The following FREM2 variants were observed in gnomAD, a reference collection of about 807,000 sequenced individuals.
FREM2 encodes the protein FRAS1-related extracellular matrix protein 2.
A neutral mutation model predicts 219.9 loss-of-function variants in FREM2; 119 were observed. The observed-to-expected ratio is 0.54, with a 90% CI of 0.47 to 0.63. The LOEUF is 0.63. Ranked by LOEUF, FREM2 falls within the 30% of genes least tolerant of loss-of-function variation. The pLI is 0.00. For missense variants in FREM2, 4,030 were observed against 3,993.6 expected, an observed-to-expected ratio of 1.01 and a Z score of -0.25; for synonymous variants, 1,562 against 1,522.8, an observed-to-expected ratio of 1.03 and a Z score of -0.60.
At chr13:38,798,991 T>C (rs1441608973) in intron 6 of FREM2, among the ~76,000 whole-genome samples, 4 of 152,048 alleles carry the variant, frequency 2.6e-5, no homozygotes, top group Non-Finnish European at 5.9e-5. Flanking sequence ...TCTGTTCTGA[T>C]CTTTATTATT....
At chr13:38,744,314 G>C (rs978374619) in intron 2 of FREM2, among the ~76,000 whole-genome samples, 1 of 145,340 alleles carries the variant, frequency 6.9e-6, no homozygotes, top group Middle Eastern at 3.7e-3. Context: ...GAGCTCAAGT[G>C]ATCCTCCTGC....
At chr13:38,878,721 T>C in intron 22 of FREM2, 110 bp from the exon 23 acceptor site, 3 of 1,123,656 alleles carry the variant, frequency 2.7e-6, no homozygotes, top group Non-Finnish European at 4.0e-6. Flanking sequence ...AACCAAATGG[T>C]GACATTTTAT....
At position 38,690,795 on chromosome 13, in the gene FREM2, A is replaced by G; in HGVS notation, c.3451A>G (p.Ser1151Gly). The change falls in exon 1 of 24, where the codon AGT becomes GGT. Residue 1151 changes from serine (S) to glycine (G), a missense_variant. Ser to Gly is a moderately conservative substitution (Grantham distance 56). Transcript: ENST00000280481. ...LRQGHINYVQ[S>G]VHKGVEPVED... ...GCAGGGCCACATAAACTATGTCCAG[A>G]GTGTCCATAAAGGGGTGGAACCTGT... The G allele has an allele frequency of 6.2e-7, 1 of 1,614,148 alleles. No individual in the cohort carries two copies. Among genetic ancestry groups the G allele is most frequent in the Non-Finnish European group, 8.5e-7 (1 of 1,180,020 alleles).
chr13:38,849,120 G>C (rs1877275231), intron 8 of FREM2, among the ~76,000 whole-genome samples: 1 of 152,086 alleles, frequency 6.6e-6, no homozygotes, highest in Non-Finnish European at 1.5e-5. Context: ...TCAGGTATTG[G>C]GGGTTGGGAT....
At chr13:38,764,052 A>C (rs907915207) in intron 2 of FREM2, among the ~76,000 whole-genome samples, 2 of 152,164 alleles carry the variant, frequency 1.3e-5, no homozygotes, top group Admixed American at 6.5e-5. Context: ...GTAGTTGTGC[A>C]CTTCCTACCC....
At chr13:38,873,884 T>C (rs913858127) in intron 17 of FREM2, among the ~76,000 whole-genome samples, 15 of 152,228 alleles carry the variant, frequency 9.9e-5, no homozygotes, top group African/African-American at 3.6e-4. Context: ...ACAGGTAATA[T>C]GATAACCCTG....
intron 6 of FREM2, among the ~76,000 whole-genome samples, chr13:38,821,160 G>T (rs1876032590): frequency 6.6e-6 from 1 of 152,082 alleles, no homozygotes; most frequent in Non-Finnish European, 1.5e-5. Flanking sequence ...CTTTCAGAGG[G>T]AACAGATAGG....
At chr13:38,753,602 A>T (rs1566129111) in intron 2 of FREM2, among the ~76,000 whole-genome samples, 2 of 152,254 alleles carry the variant, frequency 1.3e-5, no homozygotes, top group Non-Finnish European at 2.9e-5. Flanking sequence ...AATAATTCTC[A>T]GCCACTCATA....
rs1408533595 is a variant in FREM2, at chr13:38,690,436, C to T, written c.3092C>T (p.Ser1031Phe). The change falls in exon 1 of 24, where the codon TCT becomes TTT. Residue 1031 changes from serine (S) to phenylalanine (F), a missense_variant. By Grantham distance (155) the Ser-to-Phe change is radical (BLOSUM62 -2). Around this residue, in one of 2 missense-constraint regions of FREM2, gnomAD observed 3,102 missense variants for 2,950.7 expected, o/e 1.05. Coordinates refer to ENST00000280481, the MANE Select transcript of FREM2 (RefSeq NM_207361.6). ...ATAGGCCTATTGCCTAAAGCGGATT[C>T]TTTTAACCTGAGTCTGTCAGATATG... ...GEIGLLPKAD[S>F]FNLSLSDMSQ... 1.9e-6 allele frequency: 3 copies of T among 1,614,202 alleles called. No individual in the cohort carries two copies. The highest frequency in any genetic ancestry group is 1.7e-6 in the Non-Finnish European group (2 of 1,180,034).
At chr13:38,698,704 A>T (rs930726452) in intron 2 of FREM2, among the ~76,000 whole-genome samples, 5 of 152,186 alleles carry the variant, frequency 3.3e-5, no homozygotes, top group Non-Finnish European at 7.4e-5. Flanking sequence ...GATGCTTTTT[A>T]AAAATGGCAC....
intron 6 of FREM2, among the ~76,000 whole-genome samples, chr13:38,811,824 C>A (rs549257621): frequency 6.6e-6 from 1 of 152,164 alleles, no homozygotes; most frequent in Non-Finnish European, 1.5e-5. Flanking sequence ...TTCTGTAGTG[C>A]AGATTAAGTC....
chr13:38,709,607 G>A (rs1413409737), intron 2 of FREM2, among the ~76,000 whole-genome samples: 1 of 152,010 alleles, frequency 6.6e-6, no homozygotes, highest in Admixed American at 6.6e-5. Flanking sequence ...ATATACCTAT[G>A]TTATATGAGA....
chr13:38,782,078 T>C (rs953420347), intron 4 of FREM2, among the ~76,000 whole-genome samples: 2 of 152,196 alleles, frequency 1.3e-5, no homozygotes, highest in Non-Finnish European at 2.9e-5. Flanking sequence ...ATTTGTCAGC[T>C]CCTGGGGCAC....
rs531314275 is a variant in FREM2 at position 38,804,346 on chromosome 13, A to G, written c.6019+19538A>G. ...CCACATGAGAAGGATACTAGATAGA[A>G]AAATGTAGATATTATAGTCTGAAAA... On this transcript the variant is annotated intron_variant, in intron 6 of 23. Coordinates refer to ENST00000280481, the MANE Select transcript of FREM2 (RefSeq NM_207361.6). Among the ~76,000 whole-genome samples the G allele has an allele frequency of 2.6e-5, 4 of 151,406 alleles. No homozygotes were observed. In the South Asian group the frequency reaches 8.4e-4, roughly 32 times the overall value.
rs1869914657 is a variant in FREM2, at chr13:38,692,238, C to T, written c.4894C>T (p.Pro1632Ser). The T allele has an allele frequency of 1.2e-6, 2 of 1,614,150 alleles. No homozygotes were observed. The highest frequency in any genetic ancestry group is 1.1e-5 in the South Asian group (1 of 91,080). The change falls in exon 1 of 24, where the codon CCT (proline) becomes TCT (serine). Residue 1632 changes from proline to serine, a missense_variant. Physicochemically the swap from Pro to Ser is moderately conservative, Grantham distance 74. Coordinates refer to ENST00000280481, the MANE Select transcript of FREM2 (RefSeq NM_207361.6). Reference sequence around the variant, plus strand: ...CACCCATACAGACTTCTATGTTTTTCCTGATACGGTGTTTGAAACAAGGAG... The same window carrying T: ...CACCCATACAGACTTCTATGTTTTTTCTGATACGGTGTTTGAAACAAGGAG... ...DGTHTDFYVF[P>S]DTVFETRRPQ...
intron 2 of FREM2, among the ~76,000 whole-genome samples, chr13:38,757,442 C>T (rs1873057123): frequency 1.3e-5 from 2 of 152,078 alleles, no homozygotes; most frequent in Admixed American, 1.3e-4. Flanking sequence ...GATATCATAG[C>T]TTCATTTATT....
chr13:38,709,746 C>T (rs1043651335), intron 2 of FREM2, among the ~76,000 whole-genome samples: 5 of 151,850 alleles, frequency 3.3e-5, no homozygotes, highest in Admixed American at 1.3e-4. Context: ...TCTCCTAGGA[C>T]CGTGATTTGA....
rs547302858 is a variant in FREM2 at position 38,688,080 on chromosome 13, G to A, written c.736G>A (p.Gly246Arg). Reference protein sequence around the residue: ...YPQVPGGAREGGAPETLLMDC... With the variant: ...YPQVPGGARERGAPETLLMDC... ...GCAGGTCCCTGGAGGAGCCAGAGAG[G>A]GAGGCGCCCCGGAGACTCTCCTGAT... Residue 246 changes from glycine (G) to arginine (R), a missense_variant, in exon 1 of 24, where the codon GGA becomes AGA. By Grantham distance (125) the Gly-to-Arg change is moderately radical. Transcript: ENST00000280481. 36 of 1,608,886 alleles carry A rather than the reference G, an allele frequency of 2.2e-5. No homozygotes were observed. The highest frequency in any genetic ancestry group is 2.2e-4 in the South Asian group (20 of 90,974).
In FREM2 at chr13:38,769,759, C is replaced by T; in HGVS notation, c.5592C>T (p.Ala1864=). 1 of 1,614,116 alleles carries T rather than the reference C, an allele frequency of 6.2e-7. No individual in the cohort carries two copies. Among genetic ancestry groups the T allele is most frequent in the South Asian group, 1.1e-5 (1 of 91,084 alleles). Residue 1864 remains alanine (A), a synonymous_variant, in exon 4 of 24, where the codon GCC becomes GCT. Transcript: ENST00000280481. ...QVVLSEPVLA[A]LEFPTVATVE... is the part of the protein sequence containing the mutation. The stretch of plus-strand genomic sequence containing the variant: ...TACTCTCAGAGCCCGTGCTGGCTGC[C>T]TTGGAATTCCCCACAGTCGCCACTG...
Sources: allele counts gnomAD v4.1 joint callset (sites outside exome capture counted in the v4.1 genomes callset), GRCh38; gene constraint gnomAD v4.1.1; regional missense constraint gnomAD v4.1.1; transcripts MANE v1.5; gene names NCBI Gene and HGNC (gene_info 2026-07-23, HGNC 2026-07-21).